Variants in WWC2 observed in about 807,000 individuals in gnomAD.
WWC2 encodes the protein WW and C2 domain containing 2, also known as protein WWC2.
A neutral mutation model predicts 138.5 loss-of-function variants in WWC2; 101 were observed. The observed-to-expected ratio is 0.73, with a 90% CI of 0.62 to 0.86. WWC2 has a LOEUF of 0.86. Among genes scored for constraint, WWC2 ranks in the 40% least tolerant of loss-of-function variants. The pLI is 0.00. For missense variants in WWC2, 1,420 were observed against 1,419.4 expected, an observed-to-expected ratio of 1.00 and a Z score of -0.01; for synonymous variants, 558 against 538.4, an observed-to-expected ratio of 1.04 and a Z score of -0.50.
chr4:183,213,882 A>G (rs1735675808), intron 4 of WWC2, among the ~76,000 whole-genome samples: 1 of 152,098 alleles, frequency 6.6e-6, no homozygotes, highest in South Asian at 2.1e-4. Context: ...GGGTTAAAAT[A>G]TAAACTGTCT....
chr4:183,099,540 GA>G lies in WWC2; in HGVS notation c.50del (p.Glu17GlyfsTer29). 7.1e-7 allele frequency: 1 copy of G among 1,412,706 alleles called. No individual in the cohort carries two copies. The highest frequency in any genetic ancestry group is 9.4e-7 in the Non-Finnish European group (1 of 1,066,730). 87.5% of individuals were successfully genotyped at this position (1,412,706 alleles called of 1,614,324 possible). A position where few individuals can be genotyped will look rare whatever the true frequency, so the allele number is the denominator to read the frequency against. The part of the protein sequence containing the change: ...SGQLPLPRGW[E>X]EARDYDGKVF... ...TCAGCTGCCGCTGCCCCGGGGCTGG[GA>G]GGAGGCCAGGGACTACGACGGCAAG... On this transcript the variant is annotated frameshift_variant, in exon 1 of 23. Coordinates refer to ENST00000403733, the MANE Select transcript of WWC2 (RefSeq NM_024949.6). LOFTEE classifies it high-confidence loss of function.
rs77693219 is a variant in WWC2, at chr4:183,207,233, G to A, written c.242-720G>A. Among the ~76,000 whole-genome samples, 785 of 152,104 alleles carry A rather than the reference G, an allele frequency of 5.2e-3. 5 individuals are homozygous for A. The highest frequency in any genetic ancestry group is 0.018 in the African/African-American group (758 of 41,496). On this transcript the variant is annotated intron_variant, in intron 2 of 22. Coordinates refer to ENST00000403733, the MANE Select transcript of WWC2 (RefSeq NM_024949.6). ...GGGTCTCTGGTTGATTGTAGTTTGT[G>A]GAAGTGCAGAAGCAAGAACCAGGGC...
intron 1 of WWC2, among the ~76,000 whole-genome samples, chr4:183,156,264 G>GATC (rs534973654): frequency 1.0e-3 from 156 of 151,624 alleles, no homozygotes; most frequent in African/African-American, 3.7e-3. Context: ...GACCTCTGGT[G>GATC]ATCCGCCTAC....
chr4:183,125,128 A>G (rs1732721885), intron 1 of WWC2, among the ~76,000 whole-genome samples: 1 of 152,256 alleles, frequency 6.6e-6, no homozygotes, highest in South Asian at 2.1e-4. Context: ...GGGCTTCTTC[A>G]TGCCCGCAGT....
rs1186118750 is a variant in WWC2, at chr4:183,260,892, G to A, written c.1287-18G>A. On this transcript the variant is annotated intron_variant, in intron 10 of 22. Transcript: ENST00000403733. Reference sequence around the variant, plus strand: ...CATTTTGTAACAGATTTTATGGTGTGTGCTTTTTGTCTTTCAGCCTCTCTG... The same window carrying A: ...CATTTTGTAACAGATTTTATGGTGTATGCTTTTTGTCTTTCAGCCTCTCTG... 22 of 1,611,104 alleles carry A rather than the reference G, an allele frequency of 1.4e-5. No homozygotes were observed. Among genetic ancestry groups the A allele is most frequent in the Non-Finnish European group, 1.8e-5 (21 of 1,179,026 alleles).
At chr4:183,211,269 A>G (rs759142414) in intron 4 of WWC2, among the ~76,000 whole-genome samples, 14 of 152,210 alleles carry the variant, frequency 9.2e-5, no homozygotes, top group Non-Finnish European at 1.8e-4. Context: ...GCTTGATGCC[A>G]GATGTTCAAG....
At chr4:183,265,181 T>C in intron 12 of WWC2, 74 bp downstream of exon 12, 1 of 1,512,802 alleles carries the variant, frequency 6.6e-7, no homozygotes, top group East Asian at 2.3e-5. Context: ...ATGCTGTAAA[T>C]GGACTGCTAC....
At chr4:183,209,680 C>T (rs1194024764) in intron 4 of WWC2, among the ~76,000 whole-genome samples, 2 of 152,174 alleles carry the variant, frequency 1.3e-5, no homozygotes, top group Non-Finnish European at 2.9e-5. Flanking sequence ...TTTCAAGATG[C>T]CCACAACTTA....
chr4:183,236,637 G>A (rs1271931165), intron 4 of WWC2, among the ~76,000 whole-genome samples: 2 of 152,180 alleles, frequency 1.3e-5, no homozygotes, highest in East Asian at 3.8e-4. Flanking sequence ...CATCCACAAG[G>A]TCTCAATTAT....
rs763831540 is a variant in WWC2, at chr4:183,152,568, G to A, written c.132-41031G>A. Among the ~76,000 whole-genome samples the A allele has an allele frequency of 1.9e-3, 288 of 150,810 alleles. 3 individuals are homozygous for A. Among genetic ancestry groups the A allele is most frequent in the Non-Finnish European group, 3.7e-3 (251 of 67,774 alleles). On this transcript the variant is annotated intron_variant, in intron 1 of 22. Coordinates refer to ENST00000403733, the MANE Select transcript of WWC2 (RefSeq NM_024949.6). ...AAAACGCACACACAGGCGTTCACAT[G>A]TGCATATAGTTTTGTTTTCGAGAGT...
At chr4:183,206,419 A>G (rs1735448320) in intron 2 of WWC2, among the ~76,000 whole-genome samples, 1 of 152,194 alleles carries the variant, frequency 6.6e-6, no homozygotes, top group South Asian at 2.1e-4. Flanking sequence ...CTCGGATACA[A>G]TATCCTGCTA....
intron 10 of WWC2, 29 bp downstream of exon 10, chr4:183,259,757 G>A: frequency 7.1e-7 from 1 of 1,418,326 alleles, no homozygotes; most frequent in South Asian, 1.3e-5. Context: ...TGAGGGGAAA[G>A]CTTTTCTCCG....
intron 1 of WWC2, among the ~76,000 whole-genome samples, chr4:183,122,668 C>T (rs1265188084): frequency 1.3e-5 from 2 of 152,034 alleles, no homozygotes. Context: ...TACAGGCATG[C>T]ACCACCACCC....
chr4:183,184,920 T>C (rs1209011040), intron 1 of WWC2, among the ~76,000 whole-genome samples: 1 of 152,198 alleles, frequency 6.6e-6, no homozygotes, highest in African/African-American at 2.4e-5. Flanking sequence ...TGTTTAAATA[T>C]TTCATCGTTT....
intron 2 of WWC2, among the ~76,000 whole-genome samples, chr4:183,204,977 A>G (rs533497819): frequency 6.6e-6 from 1 of 152,326 alleles, no homozygotes; most frequent in East Asian, 1.9e-4. Context: ...TATTGTATGG[A>G]TATACCACAG....
At chr4:183,158,813 G>C (rs1439802786) in intron 1 of WWC2, among the ~76,000 whole-genome samples, 1 of 152,178 alleles carries the variant, frequency 6.6e-6, no homozygotes, top group Non-Finnish European at 1.5e-5. Flanking sequence ...GAAAAGATGG[G>C]AAGTTTGCTT....
At chr4:183,154,320 T>C (rs986897168) in intron 1 of WWC2, among the ~76,000 whole-genome samples, 1 of 152,194 alleles carries the variant, frequency 6.6e-6, no homozygotes, top group Non-Finnish European at 1.5e-5. Context: ...TAGAAGGACC[T>C]TAAGTCAAAG....
At chr4:183,293,717 TAGTA>T (rs1482664289) in intron 21 of WWC2, among the ~76,000 whole-genome samples, 8 of 152,230 alleles carry the variant, frequency 5.3e-5, no homozygotes, top group Admixed American at 3.3e-4. Context: ...TTATTATAAA[TAGTA>T]AGAGTTTAGC....
chr4:183,200,419 T>C (rs1029622348), intron 2 of WWC2, among the ~76,000 whole-genome samples: 1 of 152,202 alleles, frequency 6.6e-6, no homozygotes, highest in African/African-American at 2.4e-5. Context: ...TAATTTTTAT[T>C]ATCTCTTTAT....
Sources: gnomAD v4.1 joint callset for allele counts (sites outside exome capture counted in the v4.1 genomes callset) on GRCh38, gnomAD v4.1.1 for gene constraint, MANE v1.5 for transcripts, NCBI Gene and HGNC (gene_info 2026-07-23, HGNC 2026-07-21) for gene names.